ZMYND11: variants seen among roughly 807,000 people sequenced by gnomAD.
The protein encoded by ZMYND11 is zinc finger MYND domain-containing protein 11.
Under a neutral mutation model 84.9 loss-of-function variants are expected in ZMYND11, and 9 were observed. That is an observed-to-expected ratio of 0.11 (90% CI 0.06 to 0.18). The LOEUF (loss-of-function observed/expected upper bound fraction) is 0.18, where lower values mean the gene tolerates loss of function less well. Ranked by LOEUF, ZMYND11 falls within the 10% of genes least tolerant of loss-of-function variation. ZMYND11 has a pLI of 1.00. For missense variants in ZMYND11, 409 were observed against 761.0 expected, an observed-to-expected ratio of 0.54 and a Z score of 5.44; for synonymous variants, 250 against 244.1, an observed-to-expected ratio of 1.02 and a Z score of -0.23.
At position 248,959 on chromosome 10, in the gene ZMYND11, C is replaced by T; in HGVS notation, c.1557C>T (p.Asn519=). 6.2e-7 allele frequency: 1 copy of T among 1,614,126 alleles called. No homozygotes were observed. The highest frequency in any genetic ancestry group is 8.5e-7 in the Non-Finnish European group (1 of 1,180,018). ...AAGCTGTAAATAAAGCTGTAGCCAA[C>T]ATGCAGGGTGAGATGGACAGAAAAT... ...KRQAVNKAVA[N]MQGEMDRKCK... is the part of the protein sequence containing the mutation. The change falls in exon 14 of 15, where the codon AAC becomes AAT. Residue 519 remains asparagine (N), a synonymous_variant. Coordinates refer to ENST00000381604, the MANE Select transcript of ZMYND11 (RefSeq NM_001370100.5).
At chr10:231,208 C>G (rs1291921345) in intron 4 of ZMYND11, among the ~76,000 whole-genome samples, 2 of 152,218 alleles carry the variant, frequency 1.3e-5, no homozygotes, top group Non-Finnish European at 2.9e-5. Flanking sequence ...TATTTGCTCT[C>G]TGGCCCTTTA....
chr10:201,103 T>C (rs1180860852), intron 2 of ZMYND11, among the ~76,000 whole-genome samples: 1 of 152,078 alleles, frequency 6.6e-6, no homozygotes, highest in Non-Finnish European at 1.5e-5. Context: ...ATCTCAAATT[T>C]TATGATTCTG....
chr10:175,583 CAA>C (rs1846428832), intron 1 of ZMYND11, among the ~76,000 whole-genome samples: 1 of 151,908 alleles, frequency 6.6e-6, no homozygotes, highest in Non-Finnish European at 1.5e-5. Flanking sequence ...AAATAAAAAA[CAA>C]AAATAAAAAA....
chr10:239,970 T>G, intron 7 of ZMYND11, 86 bp from the exon 8 acceptor site: 1 of 1,199,002 alleles, frequency 8.3e-7, no homozygotes, highest in Non-Finnish European at 1.2e-6. Flanking sequence ...GATGTCTACT[T>G]TTGCAAACTG....
intron 1 of ZMYND11, among the ~76,000 whole-genome samples, chr10:164,646 A>T (rs536683241): frequency 6.6e-6 from 1 of 152,314 alleles, no homozygotes; most frequent in South Asian, 2.1e-4. Context: ...TCAAATCCAC[A>T]CGTGGCCTCA....
At chr10:181,600 C>CA (rs1847898857) in intron 2 of ZMYND11, among the ~76,000 whole-genome samples, 1 of 152,102 alleles carries the variant, frequency 6.6e-6, no homozygotes, top group Admixed American at 6.5e-5. Context: ...ACCTGGGTAA[C>CA]AGTGAGACCC....
intron 1 of ZMYND11, among the ~76,000 whole-genome samples, chr10:158,028 T>G (rs1045353128): frequency 5.3e-5 from 8 of 152,234 alleles, no homozygotes; most frequent in Admixed American, 3.3e-4. Flanking sequence ...TGTTGCAGCA[T>G]GTGTCAGTAC....
intron 1 of ZMYND11, among the ~76,000 whole-genome samples, chr10:144,287 C>T (rs1360087494): frequency 6.6e-6 from 1 of 152,158 alleles, no homozygotes; most frequent in African/African-American, 2.4e-5. Context: ...AGCACCATAA[C>T]TGCTCACTGC....
rs1481014949 is a variant in ZMYND11, at chr10:135,936, G to T, written c.-20+377G>T. 6.6e-6 allele frequency among the ~76,000 whole-genome samples: 1 copy of T among 151,714 alleles called. No individual in the cohort carries two copies. The highest frequency in any genetic ancestry group is 2.1e-4 in the South Asian group (1 of 4,828). On this transcript the variant is annotated intron_variant, in intron 1 of 14. Coordinates refer to ENST00000381604, the MANE Select transcript of ZMYND11 (RefSeq NM_001370100.5). The surrounding 1 kb of genome is among the most constrained non-coding windows in gnomAD (Gnocchi z 5.6). ...CGCCGGGCCCTGTGCCCCGCTTTCG[G>T]TCAGGCCTCCTGGGCCCGTGCGCAG...
chr10:178,482 T>C (rs145521623), intron 1 of ZMYND11, among the ~76,000 whole-genome samples: 88 of 152,350 alleles, frequency 5.8e-4, no homozygotes, highest in African/African-American at 9.6e-4. Flanking sequence ...TTAAGGCATA[T>C]TGGATTCTGA....
In ZMYND11 at chr10:190,200, T is replaced by G. The variant is rs75279479; in HGVS notation, c.116+10072T>G. Among the ~76,000 whole-genome samples, 490 of 152,306 alleles carry G rather than the reference T, an allele frequency of 3.2e-3. 1 individual carries two copies. The highest frequency in any genetic ancestry group is 0.011 in the African/African-American group (469 of 41,564). On this transcript the variant is annotated intron_variant, in intron 2 of 14. Transcript: ENST00000381604. Reference sequence around the variant, plus strand: ...CTGTTCTGGCCTGGGTTTTCATCCTTATGACTTTCTTGCCTGTTTTTCCAG... The same window carrying G: ...CTGTTCTGGCCTGGGTTTTCATCCTGATGACTTTCTTGCCTGTTTTTCCAG...
chr10:173,496 A>T (rs540168979), intron 1 of ZMYND11, among the ~76,000 whole-genome samples: 1 of 152,316 alleles, frequency 6.6e-6, no homozygotes, highest in East Asian at 1.9e-4. Context: ...TGGGAGGATC[A>T]CTTGAGGCCC....
intron 1 of ZMYND11, among the ~76,000 whole-genome samples, chr10:158,556 A>C (rs918119277): frequency 6.7e-6 from 1 of 149,752 alleles, no homozygotes; most frequent in Non-Finnish European, 1.5e-5. Context: ...AGCTGGGACT[A>C]TAGGTGTTTG....
intron 12 of ZMYND11, among the ~76,000 whole-genome samples, chr10:248,006 A>C (rs1952528571): frequency 6.6e-6 from 1 of 152,298 alleles, no homozygotes; most frequent in Admixed American, 6.5e-5. Context: ...AGTTGACAAT[A>C]ATTTTTATAT....
At chr10:231,729 C>A (rs149954810) in intron 4 of ZMYND11, among the ~76,000 whole-genome samples, 13 of 152,306 alleles carry the variant, frequency 8.5e-5, no homozygotes, top group African/African-American at 3.1e-4. Context: ...CAGTTACTTA[C>A]AACTGGCTTA....
chr10:184,198 G>T (rs184231256), intron 2 of ZMYND11, among the ~76,000 whole-genome samples: 7 of 151,918 alleles, frequency 4.6e-5, no homozygotes, highest in African/African-American at 1.7e-4. Flanking sequence ...TTAGAATCTC[G>T]TGTAGTCAGT....
At chr10:235,875 C>T (rs1949870863) in intron 4 of ZMYND11, among the ~76,000 whole-genome samples, 1 of 152,214 alleles carries the variant, frequency 6.6e-6, no homozygotes, top group Admixed American at 6.5e-5. Flanking sequence ...TGTTTATAAA[C>T]AGTGTACGTA....
intron 2 of ZMYND11, among the ~76,000 whole-genome samples, chr10:199,069 A>G (rs537199135): frequency 1.3e-5 from 2 of 152,188 alleles, no homozygotes; most frequent in African/African-American, 2.4e-5. Flanking sequence ...TGAGATTGTC[A>G]AAAGCTCTGC....
intron 1 of ZMYND11, among the ~76,000 whole-genome samples, chr10:176,280 T>C (rs1460731058): frequency 6.6e-6 from 1 of 152,120 alleles, no homozygotes; most frequent in African/African-American, 2.4e-5. Flanking sequence ...CTTTTTATTT[T>C]TTTTTTTAAC....
Sources: gnomAD v4.1 joint callset for allele counts (sites outside exome capture counted in the v4.1 genomes callset) on GRCh38, gnomAD v4.1.1 for gene constraint, Gnocchi (gnomAD v3.1) non-coding constraint, MANE v1.5 for transcripts, NCBI Gene and HGNC (gene_info 2026-07-23, HGNC 2026-07-21) for gene names.